The following FRMD5 variants were observed in gnomAD, a reference collection of about 807,000 sequenced individuals.
FRMD5 encodes the protein FERM domain containing 5.
Under a neutral mutation model 69.0 loss-of-function variants are expected in FRMD5, and 20 were observed. The ratio of observed to expected loss-of-function variants is 0.29; its 90% CI spans 0.20 to 0.42. The LOEUF is 0.42. Ranked by LOEUF, FRMD5 falls within the 10% of genes least tolerant of loss-of-function variation. The probability of loss-of-function intolerance (pLI) is 1.00; values close to 1 mark genes in which losing one functional copy is unlikely to be tolerated. For missense variants in FRMD5, 595 were observed against 708.6 expected (o/e 0.84, Z 1.82); for synonymous variants, 271 against 260.1 (o/e 1.04, Z -0.40).
chr15:44,084,956 T>C (rs377250525), intron 1 of FRMD5, among the ~76,000 whole-genome samples: 71 of 152,192 alleles, frequency 4.7e-4, no homozygotes, highest in African/African-American at 1.6e-3. Context: ...GGGGGTGTGG[T>C]ATAAACCACA....
chr15:44,002,275 C>T (rs1890248098), intron 1 of FRMD5, among the ~76,000 whole-genome samples: 1 of 152,104 alleles, frequency 6.6e-6, no homozygotes, highest in African/African-American at 2.4e-5. Flanking sequence ...TCATTCGTCA[C>T]AGGCCTTCTC....
chr15:44,143,502 C>T (rs2077304257), intron 1 of FRMD5, among the ~76,000 whole-genome samples: 1 of 151,812 alleles, frequency 6.6e-6, no homozygotes, highest in African/African-American at 2.4e-5. Context: ...AAATATTTTG[C>T]TACTTAAGGC....
intron 1 of FRMD5, among the ~76,000 whole-genome samples, chr15:44,148,549 G>A (rs1566971318): frequency 6.6e-6 from 1 of 152,192 alleles, no homozygotes; most frequent in Non-Finnish European, 1.5e-5. Flanking sequence ...GGGATTACAG[G>A]CGTGAGCCAC....
chr15:44,078,687 T>G (rs1406104159), intron 1 of FRMD5, among the ~76,000 whole-genome samples: 3 of 152,116 alleles, frequency 2.0e-5, no homozygotes. Context: ...GACCATTTAA[T>G]GGGTAAAGGA....
At chr15:44,084,326 G>C (rs1348701674) in intron 1 of FRMD5, among the ~76,000 whole-genome samples, 3 of 152,038 alleles carry the variant, frequency 2.0e-5, no homozygotes, top group Non-Finnish European at 4.4e-5. Context: ...ATGGTAGAAA[G>C]AGACCGCAGA....
intron 1 of FRMD5, among the ~76,000 whole-genome samples, chr15:44,167,422 G>A (rs1037807516): frequency 1.3e-5 from 2 of 152,104 alleles, no homozygotes; most frequent in African/African-American, 4.8e-5. Context: ...GTTCAGGAAG[G>A]AGAGTGTAGT....
intron 8 of FRMD5, among the ~76,000 whole-genome samples, chr15:43,890,392 G>A (rs537798920): frequency 1.3e-5 from 2 of 152,256 alleles, no homozygotes; most frequent in African/African-American, 4.8e-5. Context: ...TTTCTGGAAG[G>A]GTGGGTATAA....
chr15:44,139,994 TTATACA>T (rs1199878352), intron 1 of FRMD5, among the ~76,000 whole-genome samples: 1 of 151,530 alleles, frequency 6.6e-6, no homozygotes, highest in Non-Finnish European at 1.5e-5. Context: ...AAGTCTGATC[TTATACA>T]TATACATATA....
At chr15:43,910,010 G>C (rs1396802364) in intron 4 of FRMD5, 31 bp from the exon 5 acceptor site, 2 of 1,253,938 alleles carry the variant, frequency 1.6e-6, no homozygotes, top group Non-Finnish European at 2.3e-6. Flanking sequence ...AAACTATAAA[G>C]GATTTCTTTG....
intron 1 of FRMD5, among the ~76,000 whole-genome samples, chr15:44,038,225 T>C (rs1892011805): frequency 6.6e-6 from 1 of 152,202 alleles, no homozygotes; most frequent in Non-Finnish European, 1.5e-5. Flanking sequence ...AAAAATGTTC[T>C]CCCATTCTGT....
intron 1 of FRMD5, among the ~76,000 whole-genome samples, chr15:43,963,770 G>A (rs2090245258): frequency 6.6e-6 from 1 of 152,246 alleles, no homozygotes; most frequent in African/African-American, 2.4e-5. Context: ...CATGGATGAA[G>A]CTGGAAACCA....
intron 1 of FRMD5, 102 bp downstream of exon 1, chr15:44,194,850 TG>T: frequency 1.0e-6 from 1 of 967,018 alleles, no homozygotes; most frequent in Non-Finnish European, 1.6e-6. Flanking sequence ...AGCACGGCGC[TG>T]GGGCTGGGGC....
intron 1 of FRMD5, among the ~76,000 whole-genome samples, chr15:44,089,465 A>T (rs1042911502): frequency 3.3e-5 from 5 of 151,976 alleles, no homozygotes; most frequent in African/African-American, 1.2e-4. Flanking sequence ...GCACTTTGGG[A>T]GTCCACATGG....
intron 1 of FRMD5, among the ~76,000 whole-genome samples, chr15:44,059,041 C>A (rs887842023): frequency 6.6e-6 from 1 of 152,146 alleles, no homozygotes; most frequent in Non-Finnish European, 1.5e-5. Context: ...ACTTAGGAAC[C>A]TGTGCAACTG....
intron 1 of FRMD5, among the ~76,000 whole-genome samples, chr15:43,962,670 A>G (rs552484180): frequency 1.3e-5 from 2 of 152,380 alleles, no homozygotes; most frequent in Admixed American, 6.5e-5. Context: ...ACAAGGCTAC[A>G]GTAACAAAAT....
chr15:43,921,119 C>T (rs915561196), intron 2 of FRMD5, among the ~76,000 whole-genome samples: 7 of 152,204 alleles, frequency 4.6e-5, no homozygotes, highest in African/African-American at 1.2e-4. Flanking sequence ...CGGCCCACCG[C>T]GGCTCAGCTT....
chr15:43,984,803 G>C (rs1416133852), intron 1 of FRMD5, among the ~76,000 whole-genome samples: 1 of 152,078 alleles, frequency 6.6e-6, no homozygotes, highest in Non-Finnish European at 1.5e-5. Context: ...GGCCAACATG[G>C]TGAAATCCTG....
At chr15:43,988,945 G>T in intron 1 of FRMD5, 1 of 578,584 alleles carries the variant, frequency 1.7e-6, no homozygotes, top group South Asian at 1.6e-5. Flanking sequence ...ATCCTGAGTC[G>T]AGCCAAACAA....
chr15:43,943,695 G>C (rs1447343400), intron 1 of FRMD5, among the ~76,000 whole-genome samples: 1 of 152,208 alleles, frequency 6.6e-6, no homozygotes, highest in Non-Finnish European at 1.5e-5. Flanking sequence ...AACAAGCAAG[G>C]AATGGCAAGG....
Sources: allele counts gnomAD v4.1 joint callset (sites outside exome capture counted in the v4.1 genomes callset), GRCh38; gene constraint gnomAD v4.1.1; transcripts MANE v1.5; gene names NCBI Gene and HGNC (gene_info 2026-07-23, HGNC 2026-07-21).